Variants in SLC24A4 observed in about 807,000 individuals in gnomAD.
The protein encoded by SLC24A4 is sodium/potassium/calcium exchanger 4.
In SLC24A4, 53 loss-of-function variants were observed where a neutral mutation model predicts 79.0. That is an observed-to-expected ratio of 0.67 (90% CI 0.54 to 0.84). The LOEUF is 0.84. SLC24A4 is among the 40% of genes least tolerant of loss of function. SLC24A4 has a pLI of 0.00. For missense variants in SLC24A4, 731 were observed against 822.0 expected (o/e 0.89, Z 1.35); for synonymous variants, 323 against 323.8 (o/e 1.00, Z 0.03).
chr14:92,451,707 T>C (rs1208655212), intron 10 of SLC24A4: 2 of 152,218 alleles, frequency 1.3e-5, no homozygotes, highest in Non-Finnish European at 2.9e-5. Flanking sequence ...GGCGTTTGAG[T>C]ACTGAAACGT....
At chr14:92,372,987 CTCT>C (rs1566722162) in intron 2 of SLC24A4, among the ~76,000 whole-genome samples, 1 of 134,060 alleles carries the variant, frequency 7.5e-6, no homozygotes, top group Non-Finnish European at 1.7e-5. Context: ...CTCCCTCTCC[CTCT>C]CTCTCTCTTC....
chr14:92,453,892 C>T lies in SLC24A4; in HGVS notation c.881-8C>T, dbSNP rs1046170430. 2 of 1,606,804 alleles carry T rather than the reference C, an allele frequency of 1.2e-6. No individual in the cohort carries two copies. Among genetic ancestry groups the T allele is most frequent in the East Asian group, 4.5e-5 (2 of 44,546 alleles). On this transcript the variant is annotated splice_polypyrimidine_tract_variant and splice_region_variant and intron_variant, in intron 10 of 16. Transcript: ENST00000532405. The stretch of plus-strand genomic sequence containing the variant: ...GATCAGCACTAATCACGGTGTTGCG[C>T]TCAACAGTGAAGGAGAAGCCACAGT...
At chr14:92,462,077 G>T (rs1321429513) in intron 12 of SLC24A4, 1 of 152,196 alleles carries the variant, frequency 6.6e-6, no homozygotes, top group Non-Finnish European at 1.5e-5. Flanking sequence ...GAGGCTGCGG[G>T]GCTCCCCGAG....
intron 2 of SLC24A4, among the ~76,000 whole-genome samples, chr14:92,339,582 C>T (rs897806042): frequency 5.3e-5 from 8 of 152,180 alleles, no homozygotes; most frequent in Non-Finnish European, 1.0e-4. Context: ...AGCCTGGCTC[C>T]GGAGGCTTTG....
At chr14:92,404,715 C>T (rs892956538) in intron 2 of SLC24A4, among the ~76,000 whole-genome samples, 5 of 152,204 alleles carry the variant, frequency 3.3e-5, no homozygotes, top group African/African-American at 9.7e-5. Context: ...TTCTGCCACA[C>T]ATATGTATCT....
chr14:92,360,023 A>G (rs958423516), intron 2 of SLC24A4, among the ~76,000 whole-genome samples: 3 of 152,156 alleles, frequency 2.0e-5, no homozygotes, highest in African/African-American at 7.2e-5. Flanking sequence ...GGTTCAAGCA[A>G]TTCTCCTGCC....
chr14:92,343,615 T>TCTTTCTTTCTTC (rs1566699862), intron 2 of SLC24A4, among the ~76,000 whole-genome samples: 16 of 147,342 alleles, frequency 1.1e-4, no homozygotes, highest in Non-Finnish European at 2.1e-4. Context: ...TTTCTTTCTT[T>TCTTTCTTTCTTC]CTTTCTTTCT....
At chr14:92,391,761 C>T (rs1041865448) in intron 2 of SLC24A4, among the ~76,000 whole-genome samples, 18 of 152,238 alleles carry the variant, frequency 1.2e-4, no homozygotes, top group Non-Finnish European at 2.9e-5. Context: ...TGGGGACTCT[C>T]CCCCTGGGAA....
intron 2 of SLC24A4, among the ~76,000 whole-genome samples, chr14:92,405,434 T>C (rs1049848274): frequency 3.3e-5 from 5 of 152,206 alleles, no homozygotes; most frequent in Non-Finnish European, 5.9e-5. Flanking sequence ...AGTAGTGGCA[T>C]ACAGTAGCAA....
At position 92,398,422 on chromosome 14, in the gene SLC24A4, G is replaced by A. The variant is rs1282167193; in HGVS notation, c.242-35490G>A. Among the ~76,000 whole-genome samples the A allele has an allele frequency of 1.3e-5, 2 of 152,300 alleles. No individual in the cohort carries two copies. Among genetic ancestry groups the A allele is most frequent in the East Asian group, 3.9e-4 (2 of 5,184 alleles). ...TTGGAGAAGTGGGCATGGGAGAACC[G>A]TTTGAGAGGAAGAATGGGTAAGACT... On this transcript the variant is annotated intron_variant, in intron 2 of 16. Transcript: ENST00000532405. The surrounding 1 kb of genome is among the most constrained non-coding windows in gnomAD (Gnocchi z 4.1).
At chr14:92,364,953 T>C (rs1370271152) in intron 2 of SLC24A4, among the ~76,000 whole-genome samples, 1 of 152,178 alleles carries the variant, frequency 6.6e-6, no homozygotes, top group Non-Finnish European at 1.5e-5. Flanking sequence ...GAGAGCCCCT[T>C]CCTCCTGCCT....
intron 2 of SLC24A4, among the ~76,000 whole-genome samples, chr14:92,426,016 A>G (rs1891545686): frequency 6.6e-6 from 1 of 152,020 alleles, no homozygotes; most frequent in African/African-American, 2.4e-5. Flanking sequence ...CAATCAATCA[A>G]TATAAATGGA....
chr14:92,449,208 T>C lies in SLC24A4; in HGVS notation c.872T>C (p.Leu291Pro), dbSNP rs770622386. 29 of 1,613,798 alleles carry C rather than the reference T, an allele frequency of 1.8e-5. No homozygotes were observed. Among genetic ancestry groups the C allele is most frequent in the Non-Finnish European group, 6.8e-6 (8 of 1,180,000 alleles). ...TATGATGACCCTTCCGTGCCATTGCTGGGGCAAGGTAAGGCTGAGCAGACA... is the reference window on the plus strand; with the variant it reads ...TATGATGACCCTTCCGTGCCATTGCCGGGGCAAGGTAAGGCTGAGCAGACA... ...GSYDDPSVPL[L>P]GQVKEKPQYG... The change falls in exon 10 of 17, where the codon CTG becomes CCG. Residue 291 changes from leucine to proline, a missense_variant. By Grantham distance (98) the Leu-to-Pro change is moderately conservative. Coordinates refer to ENST00000532405, the MANE Select transcript of SLC24A4 (RefSeq NM_153646.4).
chr14:92,383,760 C>G (rs753433656), intron 2 of SLC24A4, among the ~76,000 whole-genome samples: 3 of 151,416 alleles, frequency 2.0e-5, no homozygotes, highest in Admixed American at 6.6e-5. Context: ...ATGAGAGATG[C>G]TTCCCAGACA....
intron 2 of SLC24A4, among the ~76,000 whole-genome samples, chr14:92,370,268 T>C (rs1481015839): frequency 6.6e-6 from 1 of 152,098 alleles, no homozygotes; most frequent in Non-Finnish European, 1.5e-5. Context: ...AAGACAAAGA[T>C]TTAGGAACAG....
intron 12 of SLC24A4, among the ~76,000 whole-genome samples, chr14:92,459,748 G>A (rs1440847526): frequency 2.6e-5 from 4 of 152,118 alleles, no homozygotes; most frequent in Non-Finnish European, 4.4e-5. Context: ...GCTGCTTCTC[G>A]TTTAGGTGTG....
At position 92,433,895 on chromosome 14, in the gene SLC24A4, C is replaced by A; in HGVS notation, c.242-17C>A. 6.2e-7 allele frequency: 1 copy of A among 1,611,892 alleles called. No individual in the cohort carries two copies. The highest frequency in any genetic ancestry group is 8.5e-7 in the Non-Finnish European group (1 of 1,177,948). On this transcript the variant is annotated splice_polypyrimidine_tract_variant and intron_variant, in intron 2 of 16. Transcript: ENST00000532405. ...CCATAGATAACTAACACTCTGCCATCTCTTCCTGTCTTCCAGCGATTCACG... is the reference window on the plus strand; with the variant it reads ...CCATAGATAACTAACACTCTGCCATATCTTCCTGTCTTCCAGCGATTCACG...
intron 16 of SLC24A4, among the ~76,000 whole-genome samples, chr14:92,493,197 G>A (rs1306419818): frequency 6.6e-6 from 1 of 152,168 alleles, no homozygotes; most frequent in African/African-American, 2.4e-5. Flanking sequence ...CCGGGAGGAA[G>A]TGACGTGCCT....
rs550747094 is a variant in SLC24A4 at position 92,456,392 on chromosome 14, C to CA, written c.1051-12_1051-11insA. On this transcript the variant is annotated splice_polypyrimidine_tract_variant and intron_variant, in intron 11 of 16. Transcript: ENST00000532405. ...CATGCCTTGGTGTCCATGTTGCCTCCTGTCCACACAGCGGCAGAGACTGAT... is the reference window on the plus strand; with the variant it reads ...CATGCCTTGGTGTCCATGTTGCCTCCATGTCCACACAGCGGCAGAGACTGAT... 1,167 of 1,614,118 alleles carry CA rather than the reference C, an allele frequency of 7.2e-4. 7 individuals carry two copies. The African/African-American group carries it at 0.012, about 17-fold the overall frequency.
Sources: allele counts gnomAD v4.1 joint callset (sites outside exome capture counted in the v4.1 genomes callset), GRCh38; gene constraint gnomAD v4.1.1; non-coding constraint Gnocchi (gnomAD v3.1); transcripts MANE v1.5; gene names NCBI Gene and HGNC (gene_info 2026-07-23, HGNC 2026-07-21).